TUSC3: variants seen among roughly 807,000 people sequenced by gnomAD.
TUSC3 encodes tumor suppressor candidate 3, also known as dolichyl-diphosphooligosaccharide--protein glycosyltransferase subunit TUSC3.
In TUSC3, 45 loss-of-function variants were observed where a neutral mutation model predicts 44.8. The ratio of observed to expected loss-of-function variants is 1.00; its 90% CI spans 0.79 to 1.29. TUSC3 has a LOEUF of 1.29. TUSC3 is among the 50% of genes most tolerant of loss of function. The pLI, the probability that TUSC3 is intolerant of heterozygous loss-of-function variation, is 0.00. For synonymous variants in TUSC3, 212 were observed against 152.9 expected (o/e 1.39, Z -2.85); for missense variants, 519 against 437.9 (o/e 1.19, Z -1.65).
At chr8:15,448,955 G>C (rs994643994) in intron 1 of TUSC3, among the ~76,000 whole-genome samples, 2 of 152,056 alleles carry the variant, frequency 1.3e-5, no homozygotes, top group African/African-American at 4.8e-5. Context: ...ATTTAGCATA[G>C]ACTAATTGTA....
chr8:15,757,189 G>A (rs974189242), intron 9 of TUSC3, among the ~76,000 whole-genome samples: 1 of 152,124 alleles, frequency 6.6e-6, no homozygotes, highest in Non-Finnish European at 1.5e-5. Context: ...TCTAAGCTGG[G>A]TGATAACAAG....
chr8:15,645,895 T>C (rs1806603808), intron 2 of TUSC3, among the ~76,000 whole-genome samples: 1 of 152,114 alleles, frequency 6.6e-6, no homozygotes, highest in Non-Finnish European at 1.5e-5. Context: ...AAATGAGTTG[T>C]AGACTCTCTA....
upstream of TUSC3, among the ~76,000 whole-genome samples, chr8:15,535,689 G>A (rs1270455410): frequency 1.3e-5 from 2 of 152,076 alleles, no homozygotes; most frequent in Non-Finnish European, 2.9e-5. Flanking sequence ...GCATCCTAAC[G>A]GGGAAAGACT....
chr8:15,721,699 C>G (rs770530432), intron 6 of TUSC3, among the ~76,000 whole-genome samples: 5 of 151,936 alleles, frequency 3.3e-5, no homozygotes, highest in Non-Finnish European at 7.4e-5. Flanking sequence ...TGTTACTGAA[C>G]AAAATGAAAT....
intron 2 of TUSC3, among the ~76,000 whole-genome samples, chr8:15,519,722 G>A (rs534921171): frequency 5.3e-4 from 81 of 152,214 alleles, no homozygotes; most frequent in Middle Eastern, 3.4e-3. Context: ...AAGTCCCATC[G>A]TGCCAAAAAG....
chr8:15,764,435 T>C lies in TUSC3; in HGVS notation c.*279T>C, dbSNP rs770893653. The C allele has an allele frequency of 4.0e-6, 2 of 502,744 alleles. No individual in the cohort carries two copies. The highest frequency in any genetic ancestry group is 3.7e-6 in the Non-Finnish European group (1 of 271,504). 31.1% of individuals were successfully genotyped at this position (502,744 alleles called of 1,614,324 possible). ...AATATCAAAGTGTTTTTCAAGCCTGTTATATTCAGTGTGTGCCACAGGATT... is the reference window on the plus strand; with the variant it reads ...AATATCAAAGTGTTTTTCAAGCCTGCTATATTCAGTGTGTGCCACAGGATT... On this transcript the variant is annotated 3_prime_UTR_variant, in exon 11 of 11. Coordinates refer to ENST00000503731, the MANE Select transcript of TUSC3 (RefSeq NM_006765.4).
intron 6 of TUSC3, among the ~76,000 whole-genome samples, chr8:15,703,989 C>T (rs1006995227): frequency 6.6e-6 from 1 of 152,100 alleles, no homozygotes; most frequent in African/African-American, 2.4e-5. Context: ...ATAGATAAAG[C>T]TTATAACCTC....
the TUSC3 span, among the ~76,000 whole-genome samples, chr8:15,813,206 A>G: frequency 6.6e-6 from 1 of 152,160 alleles, no homozygotes; most frequent in Non-Finnish European, 1.5e-5. Flanking sequence ...TTTCACTTAG[A>G]TGTAGACACT....
chr8:15,727,239 C>T (rs1810531605), intron 6 of TUSC3, among the ~76,000 whole-genome samples: 1 of 152,052 alleles, frequency 6.6e-6, no homozygotes, highest in Admixed American at 6.6e-5. Flanking sequence ...GCAGGGGCCC[C>T]ATAAATGAAA....
At chr8:15,727,407 A>G (rs1418489043) in intron 6 of TUSC3, among the ~76,000 whole-genome samples, 1 of 152,132 alleles carries the variant, frequency 6.6e-6, no homozygotes, top group Non-Finnish European at 1.5e-5. Flanking sequence ...TAATTTGTGT[A>G]ATTTGTAAGC....
chr8:15,579,408 T>C (rs1160947933), intron 1 of TUSC3, among the ~76,000 whole-genome samples: 1 of 113,716 alleles, frequency 8.8e-6, no homozygotes, highest in Non-Finnish European at 1.8e-5. Flanking sequence ...ATTGTGATGT[T>C]AGGGTGTCAA....
intron 2 of TUSC3, among the ~76,000 whole-genome samples, chr8:15,527,036 G>T (rs572217488): frequency 6.6e-6 from 1 of 152,156 alleles, no homozygotes; most frequent in Non-Finnish European, 1.5e-5. Flanking sequence ...AGAAAAGTTT[G>T]AATAATTGAT....
intron 6 of TUSC3, chr8:15,689,012 G>T: frequency 3.9e-6 from 1 of 255,338 alleles, no homozygotes; most frequent in East Asian, 1.3e-4. Context: ...CAAACAACCG[G>T]GCCACCTGTT....
At chr8:15,814,776 C>T in the TUSC3 span, among the ~76,000 whole-genome samples, 5 of 152,118 alleles carry the variant, frequency 3.3e-5, no homozygotes, top group Admixed American at 6.6e-5. Flanking sequence ...AGTGTGGAAT[C>T]TTGTGAAATA....
the TUSC3 span, among the ~76,000 whole-genome samples, chr8:15,807,846 A>T: frequency 6.6e-6 from 1 of 152,182 alleles, no homozygotes; most frequent in Admixed American, 6.5e-5. Flanking sequence ...GCAACAATAG[A>T]CACTGGGGAC....
chr8:15,426,642 G>A (rs1438440538), intron 1 of TUSC3, among the ~76,000 whole-genome samples: 2 of 152,160 alleles, frequency 1.3e-5, no homozygotes, highest in African/African-American at 2.4e-5. Flanking sequence ...TTCTGTCAAT[G>A]GACACTTGGG....
At chr8:15,822,800 A>G in the TUSC3 span, among the ~76,000 whole-genome samples, 2 of 152,176 alleles carry the variant, frequency 1.3e-5, no homozygotes, top group Non-Finnish European at 2.9e-5. Context: ...AAGTGATAAA[A>G]TAAGAACTGA....
intron 1 of TUSC3, among the ~76,000 whole-genome samples, chr8:15,457,822 T>G (rs1800278091): frequency 8.8e-5 from 1 of 11,390 alleles, no homozygotes; most frequent in Admixed American, 1.3e-3. Context: ...ATTAGATAAT[T>G]AATTATTAAT....
chr8:15,798,578 G>A, the TUSC3 span, among the ~76,000 whole-genome samples: 10 of 152,190 alleles, frequency 6.6e-5, no homozygotes, highest in Admixed American at 1.3e-4. Context: ...TTTGAGCAGC[G>A]TGGCGGCAGC....
Sources: allele counts gnomAD v4.1 joint callset (sites outside exome capture counted in the v4.1 genomes callset), GRCh38; gene constraint gnomAD v4.1.1; transcripts MANE v1.5; gene names NCBI Gene and HGNC (gene_info 2026-07-23, HGNC 2026-07-21).